The following MBTD1 variants were observed in gnomAD, a reference collection of about 807,000 sequenced individuals.
MBTD1 encodes the protein MBT domain-containing protein 1.
A neutral mutation model predicts 87.8 loss-of-function variants in MBTD1; 24 were observed. The observed-to-expected ratio is 0.27, with a 90% CI of 0.20 to 0.38. MBTD1 has a LOEUF of 0.38. Among genes scored for constraint, MBTD1 ranks in the 10% least tolerant of loss-of-function variants. The pLI, the probability that MBTD1 is intolerant of heterozygous loss-of-function variation, is 1.00. For missense variants in MBTD1, 436 were observed against 760.2 expected, an observed-to-expected ratio of 0.57 and a Z score of 5.02; for synonymous variants, 237 against 248.6, an observed-to-expected ratio of 0.95 and a Z score of 0.44.
chr17:51,260,568 T>TC, upstream of MBTD1: 1 of 1,603,514 alleles, frequency 6.2e-7, no homozygotes, highest in Non-Finnish European at 8.5e-7. Context: ...CGCCTGCGTT[T>TC]CTCCTCAAAC....
At chr17:51,188,863 G>A (rs1350086090) in intron 16 of MBTD1, among the ~76,000 whole-genome samples, 5 of 150,282 alleles carry the variant, frequency 3.3e-5, no homozygotes, top group Admixed American at 2.7e-4. Context: ...AGGTTCAAGC[G>A]ATTCTCCTGC....
chr17:51,199,092 A>G (rs1342910352), intron 12 of MBTD1, among the ~76,000 whole-genome samples: 1 of 151,850 alleles, frequency 6.6e-6, no homozygotes, highest in African/African-American at 2.4e-5. Context: ...CACTGCACGC[A>G]GTCTTTATTT....
intron 2 of MBTD1, among the ~76,000 whole-genome samples, chr17:51,252,659 G>A (rs1002444813): frequency 2.0e-5 from 3 of 152,002 alleles, no homozygotes; most frequent in African/African-American, 4.8e-5. Context: ...ACTTGAACCC[G>A]GGAGGCGAAG....
chr17:51,248,963 C>G (rs1046949810), intron 2 of MBTD1, among the ~76,000 whole-genome samples: 2 of 152,224 alleles, frequency 1.3e-5, no homozygotes, highest in East Asian at 3.9e-4. Context: ...AAAGAACATA[C>G]TCTCTGGCCC....
intron 12 of MBTD1, among the ~76,000 whole-genome samples, chr17:51,198,333 G>T (rs1568163098): frequency 6.6e-6 from 1 of 152,154 alleles, no homozygotes; most frequent in Non-Finnish European, 1.5e-5. Context: ...GTCTACTAAA[G>T]AACTCTCGGA....
rs1260897204 is a variant in MBTD1 at position 51,220,475 on chromosome 17, A to C, written c.155-12T>G. On this transcript the variant is annotated splice_polypyrimidine_tract_variant and intron_variant, in intron 3 of 16. Coordinates refer to ENST00000586178, the MANE Select transcript of MBTD1 (RefSeq NM_017643.3). ...CATCTCACAGGTAGCTAATTAACAA[A>C]ATAAAAACACTGGTGTTATGATGAT... 6.5e-7 allele frequency: 1 copy of C among 1,535,870 alleles called. No individual in the cohort carries two copies. Among genetic ancestry groups the C allele is most frequent in the Admixed American group, 2.0e-5 (1 of 49,432 alleles).
chr17:51,240,966 T>C (rs780859495), intron 2 of MBTD1, among the ~76,000 whole-genome samples: 1 of 152,076 alleles, frequency 6.6e-6, no homozygotes, highest in Non-Finnish European at 1.5e-5. Flanking sequence ...ATCCACCCCT[T>C]ATTGGTGATG....
chr17:51,229,660 CTTTTT>C (rs36024708), intron 2 of MBTD1, among the ~76,000 whole-genome samples: 1 of 117,796 alleles, frequency 8.5e-6, no homozygotes, highest in Non-Finnish European at 1.7e-5. Flanking sequence ...TTTTAGTATA[CTTTTT>C]TTTTTTTTTT....
chr17:51,258,185 G>C (rs1170991525), intron 2 of MBTD1, among the ~76,000 whole-genome samples: 1 of 152,170 alleles, frequency 6.6e-6, no homozygotes, highest in Non-Finnish European at 1.5e-5. Flanking sequence ...GGCTTAAGGT[G>C]AAATTTATTT....
chr17:51,239,254 T>C (rs1385750039), intron 2 of MBTD1, among the ~76,000 whole-genome samples: 1 of 152,200 alleles, frequency 6.6e-6, no homozygotes, highest in Non-Finnish European at 1.5e-5. Flanking sequence ...TTGTATCAAC[T>C]AATACACTTT....
upstream of MBTD1, chr17:51,260,450 T>G (rs2055408884): frequency 1.1e-6 from 1 of 940,592 alleles, no homozygotes; most frequent in East Asian, 2.8e-5. Context: ...AGGGAGGGAG[T>G]GCTGGTCACG....
At chr17:51,229,827 A>AT (rs1427713653) in intron 2 of MBTD1, among the ~76,000 whole-genome samples, 1 of 151,688 alleles carries the variant, frequency 6.6e-6, no homozygotes, top group Non-Finnish European at 1.5e-5. Flanking sequence ...CGCCCGGCTA[A>AT]TTTTTTGTAT....
In MBTD1 at chr17:51,201,601, G is replaced by T. The variant is rs767830472; in HGVS notation, c.1215C>A (p.Thr405=). Residue 405 remains threonine, a synonymous_variant, in exon 12 of 17, where the codon ACC becomes ACA. Transcript: ENST00000586178. ...PLNLSTICVA[T]IRKVLADGFL... is the part of the protein sequence containing the mutation. ...AAACCTATTATCTTACCTTTCTAATGGTTGCGACACATATTGTAGAAAGAT... is the reference window on the plus strand; with the variant it reads ...AAACCTATTATCTTACCTTTCTAATTGTTGCGACACATATTGTAGAAAGAT... The T allele has an allele frequency of 1.3e-6, 2 of 1,595,012 alleles. No homozygotes were observed. Among genetic ancestry groups the T allele is most frequent in the East Asian group, 4.5e-5 (2 of 44,626 alleles).
At chr17:51,258,536 G>A (rs1325348434) in intron 2 of MBTD1, among the ~76,000 whole-genome samples, 1 of 151,376 alleles carries the variant, frequency 6.6e-6, no homozygotes, top group Non-Finnish European at 1.5e-5. Flanking sequence ...AAAAGCATTT[G>A]GAAGAGAGGC....
At chr17:51,247,351 C>T (rs903693858) in intron 2 of MBTD1, among the ~76,000 whole-genome samples, 2 of 151,716 alleles carry the variant, frequency 1.3e-5, no homozygotes, top group African/African-American at 2.4e-5. Flanking sequence ...AGAGACTGCA[C>T]AGTAATAGTT....
At chr17:51,210,771 A>G (rs2052144260) in intron 6 of MBTD1, among the ~76,000 whole-genome samples, 1 of 132,666 alleles carries the variant, frequency 7.5e-6, no homozygotes, top group South Asian at 2.2e-4. Context: ...AACAACAACA[A>G]CAACAACAAC....
chr17:51,232,992 C>T (rs943125714), intron 2 of MBTD1, among the ~76,000 whole-genome samples: 1 of 133,820 alleles, frequency 7.5e-6, no homozygotes, highest in Admixed American at 9.3e-5. Context: ...ATTCAGTCTG[C>T]AGTGAGGTGC....
At chr17:51,217,454 A>G (rs1322292775) in intron 5 of MBTD1, 38 bp from the exon 6 acceptor site, 1 of 974,584 alleles carries the variant, frequency 1.0e-6, no homozygotes, top group East Asian at 2.8e-5. Flanking sequence ...ATAATTCTCA[A>G]ATCTTTTATT....
At position 51,202,948 on chromosome 17, in the gene MBTD1, C is replaced by G; in HGVS notation, c.829-13G>C. Reference sequence around the variant, plus strand: ...TACTCTCTGAAACCTTAAAAGCATACAAAAAAAACTGCTCGAAATTCATGA... The same window carrying G: ...TACTCTCTGAAACCTTAAAAGCATAGAAAAAAAACTGCTCGAAATTCATGA... On this transcript the variant is annotated splice_polypyrimidine_tract_variant and intron_variant, in intron 9 of 16. Coordinates refer to ENST00000586178, the MANE Select transcript of MBTD1 (RefSeq NM_017643.3). 4.4e-6 allele frequency: 7 copies of G among 1,584,606 alleles called. No homozygotes were observed. Among genetic ancestry groups the G allele is most frequent in the Non-Finnish European group, 6.1e-6 (7 of 1,156,392 alleles).
Sources: allele counts gnomAD v4.1 joint callset (sites outside exome capture counted in the v4.1 genomes callset), GRCh38; gene constraint gnomAD v4.1.1; transcripts MANE v1.5; gene names NCBI Gene and HGNC (gene_info 2026-07-23, HGNC 2026-07-21).